The following COL6A5 variants were observed in gnomAD, a reference collection of about 807,000 sequenced individuals.
COL6A5 encodes collagen type VI alpha 5 chain, also known as collagen alpha-5(VI) chain.
Under a neutral mutation model 65.6 loss-of-function variants are expected in COL6A5, and 48 were observed. The observed-to-expected ratio is 0.73, with a 90% CI of 0.58 to 0.93. The LOEUF (loss-of-function observed/expected upper bound fraction) is 0.93, where lower values mean the gene tolerates loss of function less well. Among genes scored for constraint, COL6A5 ranks in the 40% least tolerant of loss-of-function variants. The probability of loss-of-function intolerance (pLI) is 0.00; values close to 1 mark genes in which losing one functional copy is unlikely to be tolerated. For missense variants in COL6A5, 914 were observed against 928.3 expected, an observed-to-expected ratio of 0.98 and a Z score of 0.20; for synonymous variants, 291 against 322.8, an observed-to-expected ratio of 0.90 and a Z score of 1.05.
intron 7 of COL6A5, among the ~76,000 whole-genome samples, chr3:130,473,843 C>T (rs1406525245): frequency 6.6e-6 from 1 of 152,098 alleles, no homozygotes; most frequent in Admixed American, 6.6e-5. Flanking sequence ...AGCTCAGGGG[C>T]TGCCTTTGCT....
intron 1 of COL6A5, among the ~76,000 whole-genome samples, chr3:130,356,472 G>A (rs993652430): frequency 5.9e-5 from 9 of 151,950 alleles, no homozygotes; most frequent in Admixed American, 2.6e-4. Context: ...AAAACTGAGC[G>A]TTATATTAGG....
intron 10 of COL6A5, among the ~76,000 whole-genome samples, chr3:130,400,362 A>G (rs1051538065): frequency 2.0e-5 from 3 of 152,224 alleles, no homozygotes; most frequent in Non-Finnish European, 4.4e-5. Context: ...AAAGAAGTAA[A>G]CCTGACTTAT....
Position 130,401,911 on chromosome 3 carries a change from G to A in COL6A5, c.4227+57G>A, listed in dbSNP as rs533777656. 6 of 1,223,284 alleles carry A rather than the reference G, an allele frequency of 4.9e-6. No individual in the cohort carries two copies. In the South Asian group the frequency reaches 7.9e-5, roughly 16 times the overall value. 75.8% of individuals were successfully genotyped at this position (1,223,284 alleles called of 1,614,324 possible). A position where few individuals can be genotyped will look rare whatever the true frequency, so the allele number is the denominator to read the frequency against. ...ATGTGCCTTGATTTGGTACAGGTGG[G>A]ACTGAGACTGAGTGGTTGAATTTAC... On this transcript the variant is annotated intron_variant and NMD_transcript_variant, in intron 12 of 41. Coordinates refer to the COL6A5 transcript ENST00000312481.
At chr3:130,403,962 G>A (rs978239399) in intron 13 of COL6A5, among the ~76,000 whole-genome samples, 27 of 152,170 alleles carry the variant, frequency 1.8e-4, no homozygotes, top group African/African-American at 5.8e-4. Flanking sequence ...AGGCTTACAC[G>A]TGTAGCCTGG....
chr3:130,432,813 T>C (rs1354242591), intron 1 of COL6A5, among the ~76,000 whole-genome samples: 3 of 152,138 alleles, frequency 2.0e-5, no homozygotes, highest in Non-Finnish European at 4.4e-5. Context: ...AAACATTTGA[T>C]GTATATGAAC....
At chr3:130,370,553 A>ATTAAATT (rs1935517007) in intron 1 of COL6A5, among the ~76,000 whole-genome samples, 6 of 152,218 alleles carry the variant, frequency 3.9e-5, no homozygotes, top group African/African-American at 1.4e-4. Flanking sequence ...TTACTTGCCA[A>ATTAAATT]GGGAATTAAA....
At chr3:130,374,547 C>T (rs532517459) in intron 2 of COL6A5, among the ~76,000 whole-genome samples, 5 of 152,134 alleles carry the variant, frequency 3.3e-5, no homozygotes, top group South Asian at 2.1e-4. Flanking sequence ...TCTGCTCCCT[C>T]GGCTCAAGCA....
chr3:130,449,436 G>T (rs1479342135), intron 4 of COL6A5, among the ~76,000 whole-genome samples: 1 of 152,090 alleles, frequency 6.6e-6, no homozygotes, highest in African/African-American at 2.4e-5. Context: ...ATGGGAATTG[G>T]CATGATATAG....
intron 1 of COL6A5, among the ~76,000 whole-genome samples, chr3:130,356,429 T>A (rs1934929307): frequency 1.3e-5 from 2 of 152,158 alleles, no homozygotes; most frequent in South Asian, 4.1e-4. Context: ...GGAGCAAATA[T>A]TGTTTCTTTT....
At chr3:130,369,786 C>T (rs1051264187) in intron 1 of COL6A5, among the ~76,000 whole-genome samples, 1 of 152,166 alleles carries the variant, frequency 6.6e-6, no homozygotes, top group African/African-American at 2.4e-5. Flanking sequence ...TGCTGAGCAT[C>T]CCCACAGGAA....
exon 2 of COL6A5, chr3:130,439,566 T>A: frequency 6.4e-7 from 1 of 1,551,228 alleles, no homozygotes; most frequent in Non-Finnish European, 8.7e-7. Context: ...TTCCTCCAAA[T>A]GGGGAAAATC....
At chr3:130,393,894 T>C (rs1936495228) in intron 7 of COL6A5, among the ~76,000 whole-genome samples, 1 of 152,182 alleles carries the variant, frequency 6.6e-6, no homozygotes, top group Non-Finnish European at 1.5e-5. Flanking sequence ...ACCCTGAAAG[T>C]GCTGACAGCT....
At chr3:130,383,750 C>T (rs917730610) in intron 4 of COL6A5, among the ~76,000 whole-genome samples, 4 of 151,900 alleles carry the variant, frequency 2.6e-5, no homozygotes, top group Non-Finnish European at 5.9e-5. Flanking sequence ...TTTCTCTTAC[C>T]CAGTTTCTGT....
chr3:130,473,900 T>C (rs560041721), intron 7 of COL6A5, among the ~76,000 whole-genome samples: 2 of 152,226 alleles, frequency 1.3e-5, no homozygotes, highest in South Asian at 4.2e-4. Flanking sequence ...TCCCCTTCCT[T>C]TAAAGGTTTC....
chr3:130,412,148 T>C (rs1937195481), intron 20 of COL6A5, among the ~76,000 whole-genome samples: 1 of 152,190 alleles, frequency 6.6e-6, no homozygotes, highest in Admixed American at 6.5e-5. Context: ...CCTATGCTTT[T>C]TGCCTGCCAT....
rs1366156763 is a variant in COL6A5, at chr3:130,439,512, T to G, written c.488-10T>G. 5.8e-6 allele frequency: 9 copies of G among 1,544,832 alleles called. No individual in the cohort carries two copies. In the South Asian group the frequency reaches 1.1e-4, roughly 18 times the overall value. On this transcript the variant is annotated splice_polypyrimidine_tract_variant and intron_variant, in intron 1 of 7. Coordinates refer to ENST00000512836, the Ensembl canonical transcript of COL6A5. ...TGAGCAAACATGCGTTCACTTCTTTTCCAATGCAGTTTGACAACACTGGAA... is the reference window on the plus strand; with the variant it reads ...TGAGCAAACATGCGTTCACTTCTTTGCCAATGCAGTTTGACAACACTGGAA...
At position 130,440,472 on chromosome 3, in the gene COL6A5, TC is replaced by T. The variant is rs1180652842; in HGVS notation, c.890del (p.Gln298ArgfsTer7). 1.1e-5 allele frequency: 18 copies of T among 1,613,648 alleles called. No homozygotes were observed. Among genetic ancestry groups the T allele is most frequent in the African/African-American group, 1.3e-5 (1 of 74,932 alleles). ...AACCAACTCCTAATGAAGAATCACATCCAGACTTCCTTCCAACAGCTAAATG... is the reference window on the plus strand; with the variant it reads ...AACCAACTCCTAATGAAGAATCACATCAGACTTCCTTCCAACAGCTAAATG... On this transcript the variant is annotated frameshift_variant, in exon 3 of 8. Coordinates refer to ENST00000512836, the Ensembl canonical transcript of COL6A5. LOFTEE classifies it high-confidence loss of function.
chr3:130,422,212 C>T (rs1475271111), intron 27 of COL6A5, among the ~76,000 whole-genome samples: 1 of 151,864 alleles, frequency 6.6e-6, no homozygotes, highest in Non-Finnish European at 1.5e-5. Context: ...AAAGAAAGTC[C>T]TCATTGTAGA....
Position 130,355,905 on chromosome 3 carries a change from CAA to C in COL6A5, c.-29+9927_-29+9928del, listed in dbSNP as rs200959147. 4.0e-3 allele frequency among the ~76,000 whole-genome samples: 610 copies of C among 152,026 alleles called. 2 individuals are homozygous for C. The highest frequency in any genetic ancestry group is 0.013 in the African/African-American group (547 of 41,512). ...CTATCTACAATAGATACAACCAAAA[CAA>C]AAGAGATTTGATAAGTTGCTTATAA... On this transcript the variant is annotated intron_variant and NMD_transcript_variant, in intron 1 of 41. Coordinates refer to the COL6A5 transcript ENST00000312481.
Sources: allele counts gnomAD v4.1 joint callset (sites outside exome capture counted in the v4.1 genomes callset), GRCh38; gene constraint gnomAD v4.1.1; transcripts MANE v1.5; gene names NCBI Gene and HGNC (gene_info 2026-07-23, HGNC 2026-07-21).